CEP350: variants seen among roughly 807,000 people sequenced by gnomAD.
The protein encoded by CEP350 is centrosomal protein 350.
CEP350 carries 126 observed loss-of-function variants against 331.8 expected under a neutral mutation model. That is an observed-to-expected ratio of 0.38 (90% CI 0.33 to 0.44). CEP350 has a LOEUF of 0.44. Among genes scored for constraint, CEP350 ranks in the 20% least tolerant of loss-of-function variants. The probability of loss-of-function intolerance (pLI) is 1.00; values close to 1 mark genes in which losing one functional copy is unlikely to be tolerated. For missense variants in CEP350, 3,406 were observed against 3,634.6 expected (o/e 0.94, Z 1.62); for synonymous variants, 1,200 against 1,259.5 (o/e 0.95, Z 1.00).
Position 180,094,381 on chromosome 1 carries a change from TA to T in CEP350, c.8280del (p.Val2761SerfsTer3). Reference protein sequence around the residue: ...EKISLLTDSLLKVFVKDTVNQ... With the variant: ...EKISLLTDSLXKVFVKDTVNQ... ...ATCAGCTTACTGACAGACAGTTTAC[TA>T]AAAGTCTTTGTAAAGGACACAGTCA... On this transcript the variant is annotated frameshift_variant, in exon 34 of 38. Coordinates refer to ENST00000367607, the MANE Select transcript of CEP350 (RefSeq NM_014810.5). LOFTEE classifies it high-confidence loss of function. 6.2e-7 allele frequency: 1 copy of T among 1,613,802 alleles called. No homozygotes were observed. The highest frequency in any genetic ancestry group is 8.5e-7 in the Non-Finnish European group (1 of 1,179,834).
intron 1 of CEP350, among the ~76,000 whole-genome samples, chr1:179,979,264 G>A (rs1476889884): frequency 6.6e-6 from 1 of 152,050 alleles, no homozygotes; most frequent in Non-Finnish European, 1.5e-5. Flanking sequence ...CATTCTAACT[G>A]GAGTGAGATG....
In CEP350 at chr1:180,092,666, A is replaced by G. The variant is rs148992531; in HGVS notation, c.6561A>G (p.Ala2187=). Reference sequence around the variant, plus strand: ...CAGTATCAGAAAGGTCTTTATCTGCATATGCAAAGAGAGTAAATGAATGGG... The same window carrying G: ...CAGTATCAGAAAGGTCTTTATCTGCGTATGCAAAGAGAGTAAATGAATGGG... ...ERSVSERSLS[A]YAKRVNEWDS... The change falls in exon 34 of 38, where the codon GCA becomes GCG. Residue 2187 remains alanine, a synonymous_variant. Coordinates refer to ENST00000367607, the MANE Select transcript of CEP350 (RefSeq NM_014810.5). 25 of 1,612,128 alleles carry G rather than the reference A, an allele frequency of 1.6e-5. No individual in the cohort carries two copies. The highest frequency in any genetic ancestry group is 5.0e-5 in the Admixed American group (3 of 59,670).
chr1:180,106,806 A>AT lies in CEP350; in HGVS notation c.9190-4177dup, dbSNP rs61212527. Among the ~76,000 whole-genome samples, 1,017 of 145,860 alleles carry AT rather than the reference A, an allele frequency of 7.0e-3. 10 individuals carry two copies. The highest frequency in any genetic ancestry group is 0.02 in the Middle Eastern group (6 of 294). On this transcript the variant is annotated intron_variant, in intron 37 of 37. Coordinates refer to ENST00000367607, the MANE Select transcript of CEP350 (RefSeq NM_014810.5). ...TACATTTTGATTAGTACAGTTTATG[A>AT]TTTTTTTTTTTTTTACCTGTATCTT...
rs1657614565 is a variant in CEP350 at position 180,053,171 on chromosome 1, GTT to G, written c.4989+7_4989+8del. 6.5e-7 allele frequency: 1 copy of G among 1,527,504 alleles called. No homozygotes were observed. The highest frequency in any genetic ancestry group is 2.1e-5 in the Admixed American group (1 of 47,152). 94.6% of individuals were successfully genotyped at this position (1,527,504 alleles called of 1,614,324 possible). A position where few individuals can be genotyped will look rare whatever the true frequency, so the allele number is the denominator to read the frequency against. ...ACTACACTGTCTACTGCCAAGGTGT[GTT>G]TCACTTTATCTGTGGAGGTAAATGG... On this transcript the variant is annotated splice_donor_region_variant and intron_variant, in intron 23 of 37. Coordinates refer to ENST00000367607, the MANE Select transcript of CEP350 (RefSeq NM_014810.5).
chr1:180,054,318 T>G (rs939322457), intron 24 of CEP350, 97 bp from the exon 25 acceptor site: 1 of 976,988 alleles, frequency 1.0e-6, no homozygotes, highest in African/African-American at 1.6e-5. Context: ...AATGTTAAAT[T>G]GGTTTGTAGA....
intron 1 of CEP350, among the ~76,000 whole-genome samples, chr1:179,984,553 T>C (rs1452918233): frequency 6.6e-6 from 1 of 152,218 alleles, no homozygotes; most frequent in Non-Finnish European, 1.5e-5. Context: ...ATGCGTTTTA[T>C]AGCCTAGTCT....
At chr1:180,079,567 T>C (rs1404031172) in intron 29 of CEP350, among the ~76,000 whole-genome samples, 3 of 152,030 alleles carry the variant, frequency 2.0e-5, no homozygotes, top group African/African-American at 7.2e-5. Flanking sequence ...CATTTTTAGG[T>C]TATTAAAGGC....
chr1:180,020,564 T>C lies in CEP350; in HGVS notation c.2790T>C (p.Ser930=), dbSNP rs1163711094. ...TTCCTGAGATGATAAGACCACAGAG[T>C]GCCATATCAAGCTTTAGAGTGAGAT... ...KKLPEMIRPQ[S]AISSFRVRSP... is the part of the protein sequence containing the mutation. Residue 930 remains serine, a synonymous_variant, in exon 12 of 38, where the codon AGT becomes AGC. Coordinates refer to ENST00000367607, the MANE Select transcript of CEP350 (RefSeq NM_014810.5). 3.7e-6 allele frequency: 6 copies of C among 1,613,936 alleles called. No individual in the cohort carries two copies. In the East Asian group the frequency reaches 1.3e-4, roughly 36 times the overall value.
rs780631388 is a variant in CEP350 at position 180,094,576 on chromosome 1, A to G, written c.8471A>G (p.Glu2824Gly). ...TTCTTAAGTTCTGAATTGGAAGATG[A>G]AAAAGAAGAGATTTCCTCTCCAGAT... The part of the protein sequence containing the change: ...GCFLSSELED[E>G]KEEISSPDMC... Residue 2824 changes from glutamate to glycine, a missense_variant, in exon 34 of 38, where the codon GAA becomes GGA. Transcript: ENST00000367607. 9 of 1,613,662 alleles carry G rather than the reference A, an allele frequency of 5.6e-6. No homozygotes were observed. In the East Asian group the frequency reaches 1.8e-4, roughly 32 times the overall value.
At chr1:180,072,688 A>C (rs1331849713) in intron 27 of CEP350, among the ~76,000 whole-genome samples, 2 of 152,144 alleles carry the variant, frequency 1.3e-5, no homozygotes, top group Non-Finnish European at 2.9e-5. Flanking sequence ...GAAATGAAAT[A>C]CTAAGTTATA....
chr1:180,012,333 G>A (rs542814261), intron 9 of CEP350, among the ~76,000 whole-genome samples: 96 of 152,262 alleles, frequency 6.3e-4, no homozygotes, highest in African/African-American at 2.3e-3. Context: ...AAGCATTATT[G>A]TAATGAAATC....
chr1:180,056,216 A>G (rs975709243), intron 25 of CEP350, among the ~76,000 whole-genome samples: 4 of 152,266 alleles, frequency 2.6e-5, no homozygotes, highest in Non-Finnish European at 1.5e-5. Flanking sequence ...GCACTTCTAA[A>G]GATATTTTCC....
rs567416036 is a variant in CEP350, at chr1:180,065,760, C to G, written c.5567+488C>G. On this transcript the variant is annotated intron_variant, in intron 27 of 37. Transcript: ENST00000367607. Reference sequence around the variant, plus strand: ...GTGACAGAGCTAGACCCTGTCCCCCCCCAAAAAAAAAGTATCTGCACATGT... The same window carrying G: ...GTGACAGAGCTAGACCCTGTCCCCCGCCAAAAAAAAAGTATCTGCACATGT... Among the ~76,000 whole-genome samples, 11 of 151,542 alleles carry G rather than the reference C, an allele frequency of 7.3e-5. No individual in the cohort carries two copies. The South Asian group carries it at 2.1e-3, about 29-fold the overall frequency.
intron 1 of CEP350, among the ~76,000 whole-genome samples, chr1:179,965,410 G>A (rs1211446126): frequency 2.6e-5 from 4 of 152,186 alleles, no homozygotes; most frequent in Middle Eastern, 3.4e-3. Context: ...TGTTAGGTCC[G>A]TTTGGTCAAG....
chr1:180,046,026 C>T (rs1303002278), intron 21 of CEP350, among the ~76,000 whole-genome samples: 1 of 152,184 alleles, frequency 6.6e-6, no homozygotes, highest in Non-Finnish European at 1.5e-5. Flanking sequence ...ATTTAGTTTA[C>T]TTTTACTTAC....
chr1:180,061,350 C>T (rs1179166922), intron 25 of CEP350, among the ~76,000 whole-genome samples: 3 of 152,048 alleles, frequency 2.0e-5, no homozygotes, highest in Non-Finnish European at 4.4e-5. Flanking sequence ...GTGAGTGCCA[C>T]CACGCCTGGC....
At chr1:179,972,095 G>A (rs1465676304) in intron 1 of CEP350, among the ~76,000 whole-genome samples, 1 of 152,096 alleles carries the variant, frequency 6.6e-6, no homozygotes, top group Non-Finnish European at 1.5e-5. Context: ...TTTTTTGTGC[G>A]ATAATGAGCT....
intron 12 of CEP350, among the ~76,000 whole-genome samples, chr1:180,021,584 G>C (rs761467514): frequency 2.6e-5 from 4 of 152,028 alleles, no homozygotes. Context: ...CTTGAACCTG[G>C]TAGGCGGAGG....
rs759256658 is a variant in CEP350, at chr1:180,053,762, C to G, written c.5002C>G (p.Pro1668Ala). 1 of 1,577,816 alleles carries G rather than the reference C, an allele frequency of 6.3e-7. No individual in the cohort carries two copies. Among genetic ancestry groups the G allele is most frequent in the Non-Finnish European group, 8.6e-7 (1 of 1,156,380 alleles). The change falls in exon 24 of 38, where the codon CCA becomes GCA. Residue 1668 changes from proline (P) to alanine (A), a missense_variant. Physicochemically the swap from Pro to Ala is conservative, Grantham distance 27. Transcript: ENST00000367607. ...TLSTAKELNM[P>A]FSGGQDSFSK... is the part of the protein sequence containing the mutation. ...CCATCTACTTTAGGAACTGAACATG[C>G]CATTCTCAGGAGGACAAGATAGCTT...
Sources: gnomAD v4.1 joint callset for allele counts (sites outside exome capture counted in the v4.1 genomes callset) on GRCh38, gnomAD v4.1.1 for gene constraint, MANE v1.5 for transcripts, NCBI Gene and HGNC (gene_info 2026-07-23, HGNC 2026-07-21) for gene names.